Variants in CYFIP1 observed in about 807,000 individuals in gnomAD.
CYFIP1 encodes cytoplasmic FMR1-interacting protein 1.
CYFIP1 carries 58 observed loss-of-function variants against 163.5 expected under a neutral mutation model. The observed-to-expected ratio is 0.35, with a 90% CI of 0.29 to 0.44. The LOEUF is 0.44. Ranked by LOEUF, CYFIP1 falls within the 20% of genes least tolerant of loss-of-function variation. The pLI is 1.00. For synonymous variants in CYFIP1, 663 were observed against 660.7 expected (o/e 1.00, Z -0.05); for missense variants, 1,338 against 1,653.8 (o/e 0.81, Z 3.31).
intron 1 of CYFIP1, among the ~76,000 whole-genome samples, chr15:22,959,369 G>A (rs1026356625): frequency 3.9e-5 from 6 of 152,216 alleles, no homozygotes; most frequent in South Asian, 2.1e-4. Flanking sequence ...GGCGGTCTCC[G>A]GGAGGACAGT....
intron 1 of CYFIP1, among the ~76,000 whole-genome samples, chr15:22,964,375 A>AG (rs1567040528): frequency 3.4e-5 from 4 of 118,896 alleles, no homozygotes; most frequent in African/African-American, 1.3e-4. Flanking sequence ...ACACACACAC[A>AG]CACACACACA....
intron 22 of CYFIP1, among the ~76,000 whole-genome samples, chr15:22,901,704 C>A (rs2060399245): frequency 6.6e-6 from 1 of 152,238 alleles, no homozygotes; most frequent in African/African-American, 2.4e-5. Context: ...AGGCAACGAG[C>A]AAAGTCCTGG....
Position 22,920,044 on chromosome 15 carries a change from C to T in CYFIP1, c.1360-1186G>A, listed in dbSNP as rs185805079. ...CTCAAAACAAAACAAAACAAAAACC[C>T]TACTTCAACATCTGAAAATGGTCTT... On this transcript the variant is annotated intron_variant, in intron 13 of 30. Transcript: ENST00000617928. Among the ~76,000 whole-genome samples, 239 of 151,018 alleles carry T rather than the reference C, an allele frequency of 1.6e-3. 1 individual carries two copies. The highest frequency in any genetic ancestry group is 5.7e-3 in the African/African-American group (232 of 40,842).
intron 21 of CYFIP1, among the ~76,000 whole-genome samples, chr15:22,907,025 G>C (rs1400387443): frequency 6.6e-6 from 1 of 152,124 alleles, no homozygotes; most frequent in African/African-American, 2.4e-5. Context: ...AACAGCACTG[G>C]CTCAAGCCTT....
intron 1 of CYFIP1, among the ~76,000 whole-genome samples, chr15:22,956,885 T>A (rs2062477757): frequency 6.6e-6 from 1 of 152,230 alleles, no homozygotes; most frequent in African/African-American, 2.4e-5. Flanking sequence ...TTTTACCACA[T>A]TAGAGGATAA....
intron 22 of CYFIP1, among the ~76,000 whole-genome samples, chr15:22,902,729 C>T (rs902970044): frequency 3.9e-5 from 6 of 152,194 alleles, no homozygotes; most frequent in African/African-American, 7.2e-5. Context: ...CAGCCCAGAG[C>T]GCGTGGCCAT....
chr15:22,903,642 G>A (rs2060471516), intron 22 of CYFIP1, 64 bp downstream of exon 22: 4 of 1,548,256 alleles, frequency 2.6e-6, no homozygotes, highest in African/African-American at 2.7e-5. Flanking sequence ...CATGGAGGAA[G>A]CCTGCGGGGA....
At chr15:22,978,506 G>A (rs1448549854) in intron 1 of CYFIP1, among the ~76,000 whole-genome samples, 1 of 151,660 alleles carries the variant, frequency 6.6e-6, no homozygotes, top group Non-Finnish European at 1.5e-5. Context: ...AATGTATGAC[G>A]ATAATATATG....
At chr15:22,979,608 A>T (rs984328710) in intron 1 of CYFIP1, among the ~76,000 whole-genome samples, 1 of 152,134 alleles carries the variant, frequency 6.6e-6, no homozygotes, top group African/African-American at 2.4e-5. Context: ...TTTCCCGATT[A>T]TTCTTGCACC....
intron 1 of CYFIP1, among the ~76,000 whole-genome samples, chr15:22,963,471 C>T (rs1283011338): frequency 7.0e-6 from 1 of 142,804 alleles, no homozygotes; most frequent in Admixed American, 6.8e-5. Context: ...GCCTGGGCAA[C>T]AAGAGCAAAA....
At chr15:22,922,204 C>T (rs1326523088) in intron 13 of CYFIP1, among the ~76,000 whole-genome samples, 1 of 152,154 alleles carries the variant, frequency 6.6e-6, no homozygotes, top group Non-Finnish European at 1.5e-5. Flanking sequence ...GGGCCTACTG[C>T]TGTACCAGTC....
At chr15:22,963,318 C>T (rs1356809874) in intron 1 of CYFIP1, among the ~76,000 whole-genome samples, 1 of 146,726 alleles carries the variant, frequency 6.8e-6, no homozygotes, top group Non-Finnish European at 1.5e-5. Context: ...TGGAGAAACC[C>T]CGTCCCTACT....
At chr15:22,942,978 T>C (rs375470737) in intron 6 of CYFIP1, among the ~76,000 whole-genome samples, 195 bp downstream of exon 6, 57 of 152,314 alleles carry the variant, frequency 3.7e-4, no homozygotes, top group African/African-American at 1.2e-3. Flanking sequence ...AAAGCCACGA[T>C]ATGCACTTAT....
intron 21 of CYFIP1, among the ~76,000 whole-genome samples, chr15:22,908,198 C>G (rs1245870196): frequency 6.6e-6 from 1 of 152,136 alleles, no homozygotes. Context: ...TGAAGACTCA[C>G]ACTGCAAATT....
intron 23 of CYFIP1, among the ~76,000 whole-genome samples, chr15:22,889,238 G>C (rs1460261981): frequency 2.6e-5 from 4 of 152,136 alleles, no homozygotes; most frequent in Non-Finnish European, 5.9e-5. Context: ...CTCCAAAAGA[G>C]CATCAGCTTT....
rs759932594 is a variant in CYFIP1, at chr15:22,872,821, A to G, written c.3597+4T>C. 35 of 1,613,858 alleles carry G rather than the reference A, an allele frequency of 2.2e-5. 1 individual carries two copies. The highest frequency in any genetic ancestry group is 3.0e-5 in the Non-Finnish European group (35 of 1,179,742). On this transcript the variant is annotated splice_donor_region_variant and intron_variant, in intron 30 of 30. Coordinates refer to ENST00000617928, the MANE Select transcript of CYFIP1 (RefSeq NM_014608.6). ...TAGATGGTGCGAGATTTTCATCCAC[A>G]TACCACATTTTTAATAATCTCATCT...
chr15:22,897,330 G>A (rs28427272), intron 22 of CYFIP1, among the ~76,000 whole-genome samples: 1 of 151,578 alleles, frequency 6.6e-6, no homozygotes, highest in African/African-American at 2.4e-5. Flanking sequence ...AAAAAAAAGA[G>A]AGAGTGTTGA....
chr15:22,905,340 C>T lies in CYFIP1; in HGVS notation c.2389-1435G>A, dbSNP rs143707106. 35 of 152,140 alleles carry T rather than the reference C, an allele frequency of 2.3e-4. No individual in the cohort carries two copies. In the East Asian group the frequency reaches 3.3e-3, roughly 14 times the overall value. 9.4% of individuals were successfully genotyped at this position (152,140 alleles called of 1,614,324 possible). A position where few individuals can be genotyped will look rare whatever the true frequency, so the allele number is the denominator to read the frequency against. On this transcript the variant is annotated intron_variant, in intron 21 of 30. Coordinates refer to ENST00000617928, the MANE Select transcript of CYFIP1 (RefSeq NM_014608.6). ...AAATAGATGCCAGTCGGCCCTGTTC[C>T]GTTGCTTTGGTTTTCTTCTTGAGGA... is the stretch of plus-strand genomic sequence containing the variant.
At chr15:22,915,028 A>T in intron 16 of CYFIP1, 146 bp from the exon 17 acceptor site, 1 of 759,070 alleles carries the variant, frequency 1.3e-6, no homozygotes, top group Non-Finnish European at 2.0e-6. Context: ...GGGAGGGGTC[A>T]CCGGGGCCTT....
Sources: gnomAD v4.1 joint callset for allele counts (sites outside exome capture counted in the v4.1 genomes callset) on GRCh38, gnomAD v4.1.1 for gene constraint, MANE v1.5 for transcripts, NCBI Gene and HGNC (gene_info 2026-07-23, HGNC 2026-07-21) for gene names.